Variants in MRC2 observed in about 807,000 individuals in gnomAD.
MRC2 encodes C-type mannose receptor 2.
MRC2 carries 84 observed loss-of-function variants against 206.2 expected under a neutral mutation model. The observed-to-expected ratio is 0.41, with a 90% CI of 0.34 to 0.49. The LOEUF (loss-of-function observed/expected upper bound fraction) is 0.49, where lower values mean the gene tolerates loss of function less well. MRC2 is among the 20% of genes least tolerant of loss of function. MRC2 has a pLI of 0.31. For missense variants in MRC2, 1,676 were observed against 2,001.5 expected (o/e 0.84, Z 3.10); for synonymous variants, 798 against 800.0 (o/e 1.00, Z 0.04).
At chr17:62,674,745 G>T (rs2088870152) in intron 9 of MRC2, among the ~76,000 whole-genome samples, 1 of 151,966 alleles carries the variant, frequency 6.6e-6, no homozygotes, top group Non-Finnish European at 1.5e-5. Flanking sequence ...GTGAGTGGGG[G>T]GTGAGTGACT....
chr17:62,631,256 G>T (rs971458442), intron 1 of MRC2, among the ~76,000 whole-genome samples: 1 of 152,132 alleles, frequency 6.6e-6, no homozygotes. Context: ...GGCACCCACG[G>T]CTGCGCTGTG....
rs1000046747 is a variant in MRC2, at chr17:62,666,659, C to T, written c.859+40C>T. ...GATGCCTGCTCGTGCCTCTGGAGGG[C>T]CCGGGCCCTTTCCGCTTGTGGGTTG... On this transcript the variant is annotated intron_variant, in intron 4 of 29. Transcript: ENST00000303375. This position sits in a 1 kb window ranked among gnomAD's most constrained non-coding sequence, Gnocchi z 5.0. 6.5e-7 allele frequency: 1 copy of T among 1,548,184 alleles called. No individual in the cohort carries two copies. Among genetic ancestry groups the T allele is most frequent in the Non-Finnish European group, 8.7e-7 (1 of 1,146,088 alleles).
At chr17:62,629,851 G>A (rs1280697918) in intron 1 of MRC2, among the ~76,000 whole-genome samples, 1 of 152,234 alleles carries the variant, frequency 6.6e-6, no homozygotes, top group African/African-American at 2.4e-5. Flanking sequence ...AGTGCTGCTG[G>A]GGGCGAGGCT....
intron 1 of MRC2, among the ~76,000 whole-genome samples, chr17:62,638,598 T>C (rs997676051): frequency 6.6e-6 from 1 of 151,658 alleles, no homozygotes; most frequent in Admixed American, 6.6e-5. Flanking sequence ...ATTAGCCAGG[T>C]GTGGCGACGT....
intron 1 of MRC2, among the ~76,000 whole-genome samples, chr17:62,631,673 G>T (rs1372019007): frequency 6.6e-6 from 1 of 152,034 alleles, no homozygotes; most frequent in East Asian, 1.9e-4. Context: ...CGGTCTGGGC[G>T]CTTGGGTCAG....
rs765297618 is a variant in MRC2, at chr17:62,671,715, G to A, written c.1184G>A (p.Arg395His). Residue 395 changes from arginine to histidine, a missense_variant, in exon 7 of 30, where the codon CGC becomes CAC. Around this residue, in one of 3 missense-constraint regions of MRC2, gnomAD observed 1,354 missense variants for 1,636.6 expected, o/e 0.83. Transcript: ENST00000303375. This position sits in a 1 kb window ranked among gnomAD's most constrained non-coding sequence, Gnocchi z 4.5. ...SWQPFQGHCYRLQAEKRSWQE... is the reference protein window; with the variant it reads ...SWQPFQGHCYHLQAEKRSWQE... ...CAGCCCTTCCAGGGCCACTGCTACC[G>A]CCTGCAGGCCGAGAAGCGCAGCTGG... 3.3e-5 allele frequency: 54 copies of A among 1,612,462 alleles called. No individual in the cohort carries two copies. The highest frequency in any genetic ancestry group is 1.2e-4 in the South Asian group (11 of 90,900).
intron 1 of MRC2, among the ~76,000 whole-genome samples, chr17:62,634,131 G>A (rs1476265430): frequency 2.0e-5 from 3 of 152,138 alleles, no homozygotes; most frequent in African/African-American, 7.2e-5. Flanking sequence ...TCTGGGAAAG[G>A]GGTGGGCAAT....
chr17:62,656,484 G>C (rs1381920689), intron 1 of MRC2, among the ~76,000 whole-genome samples: 1 of 152,236 alleles, frequency 6.6e-6, no homozygotes, highest in Non-Finnish European at 1.5e-5. Flanking sequence ...GAGCCACTGT[G>C]CCCAGCATCT....
intron 8 of MRC2, 129 bp from the exon 9 acceptor site, chr17:62,673,934 G>A (rs1247331908): frequency 8.2e-6 from 6 of 734,988 alleles, no homozygotes; most frequent in African/African-American, 5.3e-5. Context: ...GCACAGCTGG[G>A]ACACAGACAT....
At chr17:62,691,223 C>A in intron 28 of MRC2, 95 bp downstream of exon 28, 1 of 1,404,790 alleles carries the variant, frequency 7.1e-7, no homozygotes, top group Non-Finnish European at 9.5e-7. Flanking sequence ...GCAGGGGGCA[C>A]AGCCGATGGG....
intron 1 of MRC2, among the ~76,000 whole-genome samples, chr17:62,640,775 C>G (rs913841506): frequency 1.3e-5 from 2 of 151,944 alleles, no homozygotes; most frequent in South Asian, 4.2e-4. Context: ...AGCTCTGCCT[C>G]CCAGGTTCAC....
In MRC2 at chr17:62,675,961, G is replaced by T; in HGVS notation, c.1685+56G>T. 1.4e-6 allele frequency: 2 copies of T among 1,463,816 alleles called. No homozygotes were observed. Among genetic ancestry groups the T allele is most frequent in the South Asian group, 1.1e-5 (1 of 87,474 alleles). The allele number at this position is 1,463,816 out of a possible 1,614,324, so 90.7% of individuals were successfully genotyped here. ...CTTGCCCATGTCTGGGCCTATTGTGGTCCCTTCAGCAAACAGGGTAGCATC... is the reference window on the plus strand; with the variant it reads ...CTTGCCCATGTCTGGGCCTATTGTGTTCCCTTCAGCAAACAGGGTAGCATC... On this transcript the variant is annotated intron_variant, in intron 10 of 29. Coordinates refer to ENST00000303375, the MANE Select transcript of MRC2 (RefSeq NM_006039.5). This position sits in a 1 kb window ranked among gnomAD's most constrained non-coding sequence, Gnocchi z 4.1.
Position 62,688,854 on chromosome 17 carries a change from C to G in MRC2, c.3228C>G (p.Thr1076=), listed in dbSNP as rs2089065060. The part of the protein sequence containing the change: ...PSPAPSGNKP[T]SCAVVLHSPS... ...CCTGAGCAGCTCCCTCCCCCCAGAC[C>G]AGCTGTGCAGTGGTCCTGCACAGCC... The change falls in exon 23 of 30, where the codon ACC becomes ACG. Residue 1076 remains threonine (T), a splice_region_variant and synonymous_variant. Coordinates refer to ENST00000303375, the MANE Select transcript of MRC2 (RefSeq NM_006039.5). The G allele has an allele frequency of 2.5e-6, 4 of 1,610,062 alleles. No homozygotes were observed. Among genetic ancestry groups the G allele is most frequent in the Non-Finnish European group, 3.4e-6 (4 of 1,178,676 alleles).
intron 1 of MRC2, among the ~76,000 whole-genome samples, chr17:62,640,685 ATTTT>A (rs869295016): frequency 7.4e-6 from 1 of 135,122 alleles, no homozygotes; most frequent in Admixed American, 7.5e-5. Context: ...CTAATATTTA[ATTTT>A]TTTTTTTTTT....
Position 62,692,557 on chromosome 17 carries a change from G to T in MRC2, c.*106G>T. The T allele has an allele frequency of 8.5e-7, 1 of 1,169,816 alleles. No individual in the cohort carries two copies. 72.5% of individuals were successfully genotyped at this position (1,169,816 alleles called of 1,614,324 possible). A position where few individuals can be genotyped will look rare whatever the true frequency, so the allele number is the denominator to read the frequency against. On this transcript the variant is annotated 3_prime_UTR_variant, in exon 30 of 30. Coordinates refer to ENST00000303375, the MANE Select transcript of MRC2 (RefSeq NM_006039.5). This position sits in a 1 kb window ranked among gnomAD's most constrained non-coding sequence, Gnocchi z 4.2. ...CTGTCCAGTTGGCCTATGGAAGGGT[G>T]CCCTTGGGAGTCGCTGTTGGGAGCC...
At position 62,667,323 on chromosome 17, in the gene MRC2, C is replaced by A; in HGVS notation, c.974-67C>A. ...GCAGAGGGAGGTAGGAGGTTCTGAG[C>A]AGGGCCCCGGGAGCCACGGTGTGAG... On this transcript the variant is annotated intron_variant, in intron 5 of 29. Coordinates refer to ENST00000303375, the MANE Select transcript of MRC2 (RefSeq NM_006039.5). This position sits in a 1 kb window ranked among gnomAD's most constrained non-coding sequence, Gnocchi z 4.1. 1 of 1,508,050 alleles carries A rather than the reference C, an allele frequency of 6.6e-7. No homozygotes were observed. The highest frequency in any genetic ancestry group is 8.9e-7 in the Non-Finnish European group (1 of 1,129,608). The allele number at this position is 1,508,050 out of a possible 1,614,324, so 93.4% of individuals were successfully genotyped here.
chr17:62,677,231 CCTT>C, intron 11 of MRC2, 35 bp from the exon 12 acceptor site: 1 of 1,499,958 alleles, frequency 6.7e-7, no homozygotes, highest in South Asian at 1.2e-5. Flanking sequence ...GACTATGAAT[CCTT>C]CTCAGAGCCT....
intron 1 of MRC2, among the ~76,000 whole-genome samples, chr17:62,641,928 G>A (rs1046943963): frequency 6.6e-6 from 1 of 151,644 alleles, no homozygotes; most frequent in Non-Finnish European, 1.5e-5. Context: ...TGGTGGGTCT[G>A]TTTGGTGAAA....
At chr17:62,673,086 A>C (rs1254599956) in intron 8 of MRC2, among the ~76,000 whole-genome samples, 1 of 152,208 alleles carries the variant, frequency 6.6e-6, no homozygotes, top group Non-Finnish European at 1.5e-5. Context: ...ACATACTGCA[A>C]ACAGTGCTGT....
Sources: allele counts gnomAD v4.1 joint callset (sites outside exome capture counted in the v4.1 genomes callset), GRCh38; gene constraint gnomAD v4.1.1; regional missense constraint gnomAD v4.1.1; non-coding constraint Gnocchi (gnomAD v3.1); transcripts MANE v1.5; gene names NCBI Gene and HGNC (gene_info 2026-07-23, HGNC 2026-07-21).